ZNF385D: variants seen among roughly 807,000 people sequenced by gnomAD.
ZNF385D encodes the protein zinc finger protein 385D, also known as zinc finger protein 659.
In ZNF385D, 15 loss-of-function variants were observed where a neutral mutation model predicts 35.8. That is an observed-to-expected ratio of 0.42 (90% confidence interval 0.28 to 0.64). The LOEUF (loss-of-function observed/expected upper bound fraction) is 0.64, where lower values mean the gene tolerates loss of function less well. Ranked by LOEUF, ZNF385D falls within the 30% of genes least tolerant of loss-of-function variation. The pLI, the probability that ZNF385D is intolerant of heterozygous loss-of-function variation, is 0.23. For missense variants in ZNF385D, 474 were observed against 494.6 expected (o/e 0.96, Z 0.39); for synonymous variants, 212 against 186.8 (o/e 1.13, Z -1.10).
intron 5 of ZNF385D, among the ~76,000 whole-genome samples, chr3:21,433,604 T>C (rs1701406099): frequency 2.0e-5 from 3 of 152,076 alleles, no homozygotes; most frequent in Admixed American, 6.6e-5. Context: ...GTTCTAAAGG[T>C]GGGGCATTGA....
At chr3:21,831,411 T>C (rs536077517) in intron 3 of ZNF385D, among the ~76,000 whole-genome samples, 26 of 152,310 alleles carry the variant, frequency 1.7e-4, no homozygotes, top group African/African-American at 6.3e-4. Flanking sequence ...AACCCTTTCA[T>C]AGTTAATTGA....
chr3:21,522,425 C>T (rs547660585), intron 3 of ZNF385D, among the ~76,000 whole-genome samples: 9 of 152,228 alleles, frequency 5.9e-5, no homozygotes, highest in East Asian at 3.9e-4. Flanking sequence ...ACAGCAACTC[C>T]GCCTCCTGGG....
At chr3:22,113,890 G>A (rs1702671341) in intron 3 of ZNF385D, among the ~76,000 whole-genome samples, 1 of 152,020 alleles carries the variant, frequency 6.6e-6, no homozygotes, top group Admixed American at 6.6e-5. Context: ...TTTCTACCTT[G>A]CTAAATCTAG....
At chr3:21,636,411 TATAG>T (rs1424951662) in intron 2 of ZNF385D, among the ~76,000 whole-genome samples, 20 of 49,224 alleles carry the variant, frequency 4.1e-4, no homozygotes, top group African/African-American at 1.4e-3. Context: ...TATATATATA[TATAG>T]AGTTTCTTAA....
At chr3:22,294,996 C>T (rs1381253610) in intron 2 of ZNF385D, among the ~76,000 whole-genome samples, 1 of 152,038 alleles carries the variant, frequency 6.6e-6, no homozygotes, top group Non-Finnish European at 1.5e-5. Context: ...TACACACACT[C>T]ACACACATGT....
intron 3 of ZNF385D, among the ~76,000 whole-genome samples, chr3:22,104,250 C>A (rs1388928557): frequency 1.3e-5 from 2 of 152,100 alleles, no homozygotes; most frequent in Non-Finnish European, 2.9e-5. Flanking sequence ...ATGGCATCCT[C>A]TGTAGAGTGC....
chr3:21,626,209 G>C (rs190731081), intron 2 of ZNF385D, among the ~76,000 whole-genome samples: 29 of 152,142 alleles, frequency 1.9e-4, no homozygotes, highest in African/African-American at 6.5e-4. Context: ...AGAGGCAGAG[G>C]TTGTAGAACA....
chr3:21,413,651 G>A lies in ZNF385D; in HGVS notation c.*7563C>T, dbSNP rs539389577. The A allele has an allele frequency of 2.6e-4, 39 of 152,128 alleles. No individual in the cohort carries two copies. The highest frequency in any genetic ancestry group is 9.2e-4 in the African/African-American group (38 of 41,510). The allele number at this position is 152,128 out of a possible 1,614,324, so 9.4% of individuals were successfully genotyped here. A position where few individuals can be genotyped will look rare whatever the true frequency, so the allele number is the denominator to read the frequency against. On this transcript the variant is annotated 3_prime_UTR_variant, in exon 8 of 8. Coordinates refer to ENST00000281523, the MANE Select transcript of ZNF385D (RefSeq NM_024697.3). ...TTTTTTAAGCCATAAGAATATAAGA[G>A]GAGAAAAATAGCATGAATATTTTTC...
intron 3 of ZNF385D, among the ~76,000 whole-genome samples, chr3:22,116,412 C>T (rs1044923108): frequency 4.6e-5 from 7 of 151,938 alleles, no homozygotes; most frequent in African/African-American, 1.7e-4. Flanking sequence ...TTATTTTGTT[C>T]ATTACCTGCA....
At chr3:22,348,193 G>A (rs1018245694) in intron 2 of ZNF385D, among the ~76,000 whole-genome samples, 1 of 152,050 alleles carries the variant, frequency 6.6e-6, no homozygotes, top group Non-Finnish European at 1.5e-5. Flanking sequence ...CAAAGGCATT[G>A]TTATGAGCTG....
chr3:21,686,190 A>C (rs73138851), intron 1 of ZNF385D, among the ~76,000 whole-genome samples: 4 of 152,206 alleles, frequency 2.6e-5, no homozygotes, highest in Admixed American at 2.6e-4. Context: ...ATATTTTAGG[A>C]AAGTGTACAA....
intron 3 of ZNF385D, among the ~76,000 whole-genome samples, chr3:22,042,128 T>C (rs1361830600): frequency 2.6e-5 from 4 of 152,160 alleles, no homozygotes; most frequent in South Asian, 2.1e-4. Context: ...ATTGGCCTTA[T>C]GTATTTCCAG....
rs182191876 is a variant in ZNF385D, at chr3:22,305,676, T to C, written c.106+66774A>G. 3.9e-5 allele frequency among the ~76,000 whole-genome samples: 6 copies of C among 152,276 alleles called. No individual in the cohort carries two copies. In the East Asian group the frequency reaches 7.7e-4, roughly 20 times the overall value. ...GATGCATGTCACTGCTGATCCTTCA[T>C]TGGCCTAAGCAAGTCACACGGCCAC... On this transcript the variant is annotated intron_variant, in intron 2 of 5. Coordinates refer to the ZNF385D transcript ENST00000494108.
At chr3:21,444,869 T>C (rs1203595236) in intron 4 of ZNF385D, among the ~76,000 whole-genome samples, 3 of 152,216 alleles carry the variant, frequency 2.0e-5, no homozygotes, top group Non-Finnish European at 4.4e-5. Flanking sequence ...AGAAGCAGGT[T>C]GCCAGGACAG....
At chr3:21,936,869 G>C (rs951843485) in intron 3 of ZNF385D, among the ~76,000 whole-genome samples, 9 of 152,082 alleles carry the variant, frequency 5.9e-5, no homozygotes, top group Non-Finnish European at 8.8e-5. Flanking sequence ...AGAAATTAAA[G>C]GTTAGGAATA....
chr3:21,855,918 TAAC>T (rs1187437271), intron 3 of ZNF385D, among the ~76,000 whole-genome samples: 1 of 152,024 alleles, frequency 6.6e-6, no homozygotes, highest in Non-Finnish European at 1.5e-5. Flanking sequence ...TGGTAGCTAA[TAAC>T]AACATGCTGC....
chr3:22,145,040 A>G lies in ZNF385D; in HGVS notation c.325+23777T>C, dbSNP rs1704764259. Reference sequence around the variant, plus strand: ...TGTGTGTGTGTGTGTGTGTGTGTGTAGTCACAATTAGTTATCAGTGATACT... The same window carrying G: ...TGTGTGTGTGTGTGTGTGTGTGTGTGGTCACAATTAGTTATCAGTGATACT... On this transcript the variant is annotated intron_variant, in intron 3 of 5. Coordinates refer to the ZNF385D transcript ENST00000494108. Among the ~76,000 whole-genome samples, 3 of 122,822 alleles carry G rather than the reference A, an allele frequency of 2.4e-5. No homozygotes were observed. The South Asian group carries it at 7.7e-4, about 32-fold the overall frequency. 80.6% of individuals were successfully genotyped at this position (122,822 alleles called of 152,430 possible).
intron 2 of ZNF385D, among the ~76,000 whole-genome samples, chr3:22,270,717 TGATA>T: frequency 6.6e-6 from 1 of 152,022 alleles, no homozygotes; most frequent in Non-Finnish European, 1.5e-5. Context: ...TTTTTTTTAC[TGATA>T]GAGTTGTACA....
chr3:22,222,156 T>C (rs1011558183), intron 2 of ZNF385D, among the ~76,000 whole-genome samples: 4 of 152,026 alleles, frequency 2.6e-5, no homozygotes, highest in African/African-American at 9.7e-5. Context: ...TTTATATTTT[T>C]AGTAGAGATG....
Sources: gnomAD v4.1 joint callset for allele counts (sites outside exome capture counted in the v4.1 genomes callset) on GRCh38, gnomAD v4.1.1 for gene constraint, MANE v1.5 for transcripts, NCBI Gene and HGNC (gene_info 2026-07-23, HGNC 2026-07-21) for gene names.